Variants in PCNX1 observed in about 807,000 individuals in gnomAD.
The protein encoded by PCNX1 is pecanex-like protein 1.
A neutral mutation model predicts 242.2 loss-of-function variants in PCNX1; 78 were observed. The ratio of observed to expected loss-of-function variants is 0.32; its 90% confidence interval spans 0.27 to 0.39. PCNX1 has a LOEUF of 0.39. PCNX1 is among the 10% of genes least tolerant of loss of function. The probability of loss-of-function intolerance (pLI) is 1.00; values close to 1 mark genes in which losing one functional copy is unlikely to be tolerated. For synonymous variants in PCNX1, 1,024 were observed against 1,032.9 expected, an observed-to-expected ratio of 0.99 and a Z score of 0.17; for missense variants, 2,581 against 2,856.5, an observed-to-expected ratio of 0.90 and a Z score of 2.20.
chr14:71,035,619 G>C, intron 18 of PCNX1, among the ~76,000 whole-genome samples: 1 of 143,080 alleles, frequency 7.0e-6, no homozygotes, highest in Non-Finnish European at 1.5e-5. Context: ...ATATTAGCTG[G>C]GTATGGTGGG....
rs554645724 is a variant in PCNX1 at position 71,087,965 on chromosome 14, TAA to T, written c.5338-356_5338-355del. 3.7e-3 allele frequency among the ~76,000 whole-genome samples: 547 copies of T among 146,832 alleles called. 1 individual carries two copies. The highest frequency in any genetic ancestry group is 0.013 in the African/African-American group (531 of 40,148). On this transcript the variant is annotated intron_variant, in intron 28 of 35. Coordinates refer to ENST00000304743, the MANE Select transcript of PCNX1 (RefSeq NM_014982.3). ...GTTATGGTCAAAAATAAGTAGTTAA[TAA>T]AAAAAAAAGAAAGAAGTAGCTAATA...
chr14:71,047,384 C>T (rs1403765595), intron 21 of PCNX1, among the ~76,000 whole-genome samples: 2 of 152,182 alleles, frequency 1.3e-5, no homozygotes, highest in South Asian at 2.1e-4. Context: ...TTTTGATGCA[C>T]TATGTAACTT....
At position 70,946,968 on chromosome 14, in the gene PCNX1, T is replaced by C; in HGVS notation, c.207T>C (p.Ala69=). Reference sequence around the variant, plus strand: ...CAGTTTATTGTCCTGTGATAGCTGCTGTTTTCATTGTTCTGAAGATGGTCA... The same window carrying C: ...CAGTTTATTGTCCTGTGATAGCTGCCGTTTTCATTGTTCTGAAGATGGTCA... ...IVAVYCPVIA[A]VFIVLKMVNY... The change falls in exon 2 of 36, where the codon GCT becomes GCC. Residue 69 remains alanine (A), a synonymous_variant. Coordinates refer to ENST00000304743, the MANE Select transcript of PCNX1 (RefSeq NM_014982.3). 1.2e-6 allele frequency: 2 copies of C among 1,614,022 alleles called. No homozygotes were observed. Among genetic ancestry groups the C allele is most frequent in the Non-Finnish European group, 8.5e-7 (1 of 1,179,898 alleles).
At position 71,114,167 on chromosome 14, in the gene PCNX1, A is replaced by AGAT. The variant is rs2062809064; in HGVS notation, c.*4233_*4235dup. On this transcript the variant is annotated 3_prime_UTR_variant, in exon 36 of 36. Transcript: ENST00000304743. ...ATTGGTGTTGAGGAAGAAAAAAATT[A>AGAT]GATACTACCATGCATTGGGACAGCA... The AGAT allele has an allele frequency of 6.6e-6, 1 of 152,258 alleles. No individual in the cohort carries two copies. The highest frequency in any genetic ancestry group is 6.5e-5 in the Admixed American group (1 of 15,294). 9.4% of individuals were successfully genotyped at this position (152,258 alleles called of 1,614,324 possible).
intron 26 of PCNX1, 83 bp from the exon 27 acceptor site, chr14:71,073,462 T>C (rs897758904): frequency 2.3e-6 from 3 of 1,308,638 alleles, no homozygotes; most frequent in Admixed American, 2.2e-5. Flanking sequence ...TATGTATTTT[T>C]TTCTAAATCT....
At chr14:70,928,893 C>T (rs922501882) in intron 1 of PCNX1, among the ~76,000 whole-genome samples, 1 of 152,144 alleles carries the variant, frequency 6.6e-6, no homozygotes, top group African/African-American at 2.4e-5. Flanking sequence ...AAAACCGTTA[C>T]ACTTTTGGCT....
intron 1 of PCNX1, among the ~76,000 whole-genome samples, chr14:70,939,927 T>G (rs1156411801): frequency 1.3e-5 from 2 of 152,338 alleles, no homozygotes; most frequent in South Asian, 2.1e-4. Context: ...TTAAAGTCTG[T>G]CTTATCAGAG....
intron 7 of PCNX1, among the ~76,000 whole-genome samples, chr14:70,994,401 A>ATGTGTGTG (rs1346183930): frequency 8.9e-4 from 30 of 33,806 alleles, no homozygotes; most frequent in African/African-American, 2.8e-3. Context: ...CTTAAGATAT[A>ATGTGTGTG]TATATATATA....
intron 3 of PCNX1, among the ~76,000 whole-genome samples, chr14:70,967,123 C>T (rs143710816): frequency 8.5e-4 from 129 of 152,286 alleles, no homozygotes; most frequent in Admixed American, 1.3e-3. Flanking sequence ...ACTTACACAG[C>T]GTAGTGCACA....
intron 5 of PCNX1, 42 bp downstream of exon 5, chr14:70,969,152 G>C: frequency 8.8e-7 from 1 of 1,136,490 alleles, no homozygotes; most frequent in Non-Finnish European, 1.3e-6. Flanking sequence ...ATACTGTGGT[G>C]ACCAGAGTTA....
At position 71,012,992 on chromosome 14, in the gene PCNX1, T is replaced by C. The variant is rs1432666078; in HGVS notation, c.2786T>C (p.Leu929Pro). 3.7e-6 allele frequency: 6 copies of C among 1,611,446 alleles called. No individual in the cohort carries two copies. Among genetic ancestry groups the C allele is most frequent in the Non-Finnish European group, 4.2e-6 (5 of 1,177,516 alleles). The change falls in exon 11 of 36, where the codon CTC becomes CCC. Residue 929 changes from leucine to proline, a missense_variant. Transcript: ENST00000304743. The stretch of plus-strand genomic sequence containing the variant: ...ATGCTGACTTTCTTTTAGCTCTCTC[T>C]CCCACAGATTCGATTGAATAGACTA... ...VRFYPHDVLS[L>P]PQIRLNRLLT...
chr14:71,063,840 A>T (rs965902284), intron 26 of PCNX1, among the ~76,000 whole-genome samples: 6 of 151,970 alleles, frequency 3.9e-5, no homozygotes, highest in Non-Finnish European at 8.8e-5. Context: ...TCTCATTTCC[A>T]TTTTTATTTT....
rs147292614 is a variant in PCNX1 at position 71,108,852 on chromosome 14, G to T, written c.6550G>T (p.Ala2184Ser). The T allele has an allele frequency of 8.1e-6, 13 of 1,614,236 alleles. No homozygotes were observed. Among genetic ancestry groups the T allele is most frequent in the Non-Finnish European group, 1.1e-5 (13 of 1,180,040 alleles). ...QMEPSGQSGL[A>S]CVQHGLPSSS... ...GGAACCCTCAGGTCAGAGCGGCCTG[G>T]CCTGTGTGCAGCACGGCCTGCCTTC... is the stretch of plus-strand genomic sequence containing the variant. Residue 2184 changes from alanine to serine, a missense_variant, in exon 34 of 36, where the codon GCC (alanine) becomes TCC (serine). Ala to Ser is a moderately conservative substitution (Grantham distance 99, BLOSUM62 1). Transcript: ENST00000304743.
rs537311616 is a variant in PCNX1, at chr14:71,063,134, G to A, written c.4852+5410G>A. Among the ~76,000 whole-genome samples the A allele has an allele frequency of 2.6e-5, 4 of 152,258 alleles. No individual in the cohort carries two copies. In the East Asian group the frequency reaches 5.8e-4, roughly 22 times the overall value. ...CCCCATAGTTATGCAACATGTGACT[G>A]TTTATTGTTTAAAGTTTATTTTTTC... is the stretch of plus-strand genomic sequence containing the variant. On this transcript the variant is annotated intron_variant, in intron 26 of 35. Transcript: ENST00000304743.
intron 13 of PCNX1, among the ~76,000 whole-genome samples, chr14:71,023,465 A>T (rs1025630505): frequency 1.1e-4 from 17 of 152,106 alleles, no homozygotes; most frequent in African/African-American, 4.1e-4. Context: ...GAAAATGAGC[A>T]TGATAATTCA....
At chr14:70,951,585 G>T (rs1253345111) in intron 2 of PCNX1, among the ~76,000 whole-genome samples, 1 of 152,106 alleles carries the variant, frequency 6.6e-6, no homozygotes, top group East Asian at 1.9e-4. Flanking sequence ...ATGTTGGCCA[G>T]GCTGGTGCTG....
intron 30 of PCNX1, among the ~76,000 whole-genome samples, chr14:71,090,700 C>T (rs1447613553): frequency 6.6e-6 from 1 of 152,168 alleles, no homozygotes; most frequent in Non-Finnish European, 1.5e-5. Context: ...TGGAAAGGTA[C>T]CAACTATGTA....
Position 71,052,006 on chromosome 14 carries a change from A to T in PCNX1, c.4571A>T (p.Asp1524Val). 6.2e-7 allele frequency: 1 copy of T among 1,608,926 alleles called. No individual in the cohort carries two copies. Reference sequence around the variant, plus strand: ...CGACCTGTGAAATTCTGGGAGAGAGACTATAAGTGAGTAAAGTAAAACACT... The same window carrying T: ...CGACCTGTGAAATTCTGGGAGAGAGTCTATAAGTGAGTAAAGTAAAACACT... ...YVRPVKFWERDYNTKRVDHSN... is the reference protein window; with the variant it reads ...YVRPVKFWERVYNTKRVDHSN... Residue 1524 changes from aspartate to valine, a missense_variant, in exon 24 of 36, where the codon GAC becomes GTC. Coordinates refer to ENST00000304743, the MANE Select transcript of PCNX1 (RefSeq NM_014982.3).
At chr14:70,946,526 T>C (rs2057463087) in intron 1 of PCNX1, among the ~76,000 whole-genome samples, 1 of 152,260 alleles carries the variant, frequency 6.6e-6, no homozygotes, top group South Asian at 2.1e-4. Context: ...ATTTAACATT[T>C]TCTAGTAGCC....
Sources: allele counts gnomAD v4.1 joint callset (sites outside exome capture counted in the v4.1 genomes callset), GRCh38; gene constraint gnomAD v4.1.1; transcripts MANE v1.5; gene names NCBI Gene and HGNC (gene_info 2026-07-23, HGNC 2026-07-21).